The following MYO15A variants were observed in gnomAD, a reference collection of about 807,000 sequenced individuals.
MYO15A encodes the protein unconventional myosin-XV.
Under a neutral mutation model 394.6 loss-of-function variants are expected in MYO15A, and 308 were observed. The ratio of observed to expected loss-of-function variants is 0.78; its 90% confidence interval spans 0.71 to 0.86. The LOEUF (loss-of-function observed/expected upper bound fraction) is 0.86. MYO15A is among the 40% of genes least tolerant of loss of function. MYO15A has a pLI of 0.00. For synonymous variants in MYO15A, 1,957 were observed against 2,003.8 expected (o/e 0.98, Z 0.62); for missense variants, 4,606 against 4,799.1 (o/e 0.96, Z 1.19).
rs374957026 is a variant in MYO15A at position 18,140,793 on chromosome 17, C to T, written c.5367C>T (p.Asn1789=). Residue 1789 remains asparagine, a synonymous_variant, in exon 21 of 66, where the codon AAC becomes AAT. Transcript: ENST00000647165. The stretch of plus-strand genomic sequence containing the variant: ...CTCTTCCTGCCACTGCCAGGTGCAA[C>T]CCCTTGTTCATGCGTTGCCTGAAGC... ...LDLVEKMERC[N]PLFMRCLKPN... 7 of 1,614,090 alleles carry T rather than the reference C, an allele frequency of 4.3e-6. No individual in the cohort carries two copies. The highest frequency in any genetic ancestry group is 5.9e-6 in the Non-Finnish European group (7 of 1,180,056).
In MYO15A at chr17:18,132,344, A is replaced by G. The variant is rs2046182520; in HGVS notation, c.4207-109A>G. ...CACAGAGGCGCGTGTTCTCATCTGC[A>G]GCCCACTGTGTGCATGTGCACTTGT... On this transcript the variant is annotated intron_variant, in intron 10 of 65. Transcript: ENST00000647165. The surrounding 1 kb of genome is among the most constrained non-coding windows in gnomAD (Gnocchi z 4.6). 4.7e-6 allele frequency: 4 copies of G among 846,796 alleles called. No homozygotes were observed. The highest frequency in any genetic ancestry group is 7.9e-6 in the Non-Finnish European group (4 of 505,152). The allele number at this position is 846,796 out of a possible 1,614,324, so 52.5% of individuals were successfully genotyped here.
At chr17:18,138,749 C>G (rs913321358) in intron 17 of MYO15A, 62 bp from the exon 18 acceptor site, 1 of 1,599,966 alleles carries the variant, frequency 6.3e-7, no homozygotes, top group South Asian at 1.1e-5. Flanking sequence ...GAGGTTGCCA[C>G]CAGGCCAGGA....
chr17:18,119,826 C>T lies in MYO15A; in HGVS notation c.1026C>T (p.Tyr342=), dbSNP rs368278295. ...YEGEAHPYGY[Y]LDPYAPYDAP... ...GCGAGGCGCACCCTTATGGCTACTACCTGGATCCCTATGCGCCGTACGACG... is the reference window on the plus strand; with the variant it reads ...GCGAGGCGCACCCTTATGGCTACTATCTGGATCCCTATGCGCCGTACGACG... The change falls in exon 2 of 66, where the codon TAC becomes TAT. Residue 342 remains tyrosine (Y), a synonymous_variant. Coordinates refer to ENST00000647165, the MANE Select transcript of MYO15A (RefSeq NM_016239.4). 26 of 1,613,052 alleles carry T rather than the reference C, an allele frequency of 1.6e-5. No individual in the cohort carries two copies. In the Middle Eastern group the frequency reaches 4.9e-4, roughly 31 times the overall value.
At chr17:18,163,207 C>A in intron 58 of MYO15A, 37 bp from the exon 59 acceptor site, 1 of 1,603,170 alleles carries the variant, frequency 6.2e-7, no homozygotes, top group Non-Finnish European at 8.5e-7. Context: ...GATCCTAGGA[C>A]CCAACCTGTC....
At chr17:18,156,079 T>C in intron 47 of MYO15A, 116 bp from the exon 48 acceptor site, 1 of 1,532,626 alleles carries the variant, frequency 6.5e-7, no homozygotes, top group South Asian at 1.2e-5. Context: ...GCTGGCACAA[T>C]GGGGCCAAGG....
chr17:18,148,277 T>C lies in MYO15A; in HGVS notation c.6691+67T>C. 6.3e-7 allele frequency: 1 copy of C among 1,592,378 alleles called. No individual in the cohort carries two copies. Among genetic ancestry groups the C allele is most frequent in the Non-Finnish European group, 8.6e-7 (1 of 1,169,136 alleles). ...AGCAGGGCCCAGTGAGCCCCGGGGATGGCAGAAGCCACTGGATGTTCTGGA... is the reference window on the plus strand; with the variant it reads ...AGCAGGGCCCAGTGAGCCCCGGGGACGGCAGAAGCCACTGGATGTTCTGGA... On this transcript the variant is annotated intron_variant, in intron 31 of 65. Coordinates refer to ENST00000647165, the MANE Select transcript of MYO15A (RefSeq NM_016239.4). This position sits in a 1 kb window ranked among gnomAD's most constrained non-coding sequence, Gnocchi z 4.8.
At chr17:18,156,099 G>C (rs1567656681) in intron 47 of MYO15A, 96 bp from the exon 48 acceptor site, 1 of 1,592,438 alleles carries the variant, frequency 6.3e-7, no homozygotes, top group Non-Finnish European at 8.6e-7. Context: ...GTGGGGCTGG[G>C]CTTCAAATGG....
chr17:18,170,135 T>C (rs1382905505), intron 62 of MYO15A, among the ~76,000 whole-genome samples: 1 of 152,074 alleles, frequency 6.6e-6, no homozygotes. Flanking sequence ...TTATACAGCC[T>C]CTGGAAGACT....
At chr17:18,166,625 C>T in intron 61 of MYO15A, 104 bp downstream of exon 61, 4 of 1,472,066 alleles carry the variant, frequency 2.7e-6, no homozygotes, top group Non-Finnish European at 3.7e-6. Context: ...ATGATTCAGG[C>T]CCTGTGGATG....
At position 18,121,505 on chromosome 17, in the gene MYO15A, C is replaced by T. The variant is rs568115513; in HGVS notation, c.2705C>T (p.Ala902Val). ...HRPPRAGAWRAPLEHRESPRE... is the reference protein window; with the variant it reads ...HRPPRAGAWRVPLEHRESPRE... ...CCGCCCAGGGCCGGGGCCTGGCGGG[C>T]GCCCCTGGAACACCGGGAGAGCCCG... is the stretch of plus-strand genomic sequence containing the variant. The change falls in exon 2 of 66, where the codon GCG becomes GTG. Residue 902 changes from alanine to valine, a missense_variant. Ala to Val is a moderately conservative substitution (Grantham distance 64). Coordinates refer to ENST00000647165, the MANE Select transcript of MYO15A (RefSeq NM_016239.4). The surrounding 1 kb of genome is among the most constrained non-coding windows in gnomAD (Gnocchi z 5.3). 107 of 1,553,634 alleles carry T rather than the reference C, an allele frequency of 6.9e-5. No homozygotes were observed. The African/African-American group carries it at 9.8e-4, about 14-fold the overall frequency.
intron 30 of MYO15A, 54 bp downstream of exon 30, chr17:18,146,161 G>A: frequency 6.4e-7 from 1 of 1,565,380 alleles, no homozygotes. Context: ...ACCAGCAGTG[G>A]AGCCCAAGGC....
At chr17:18,146,892 C>T (rs1027073504) in intron 30 of MYO15A, among the ~76,000 whole-genome samples, 1 of 152,182 alleles carries the variant, frequency 6.6e-6, no homozygotes, top group Non-Finnish European at 1.5e-5. Context: ...GCCACTTACA[C>T]TTCAGCCTGG....
chr17:18,145,987 A>G lies in MYO15A; in HGVS notation c.6389A>G (p.Gln2130Arg). Residue 2130 changes from glutamine (Q) to arginine (R), a missense_variant, in exon 30 of 66, where the codon CAG becomes CGG. Physicochemically the swap from Gln to Arg is conservative, Grantham distance 43 (BLOSUM62 1). Coordinates refer to ENST00000647165, the MANE Select transcript of MYO15A (RefSeq NM_016239.4). ...GAGCTGCGGGATGAGATCCTGGCACAGCTGGCCAATCAGGTGTGGCACAAT... is the reference window on the plus strand; with the variant it reads ...GAGCTGCGGGATGAGATCCTGGCACGGCTGGCCAATCAGGTGTGGCACAAT... ...VPELRDEILAQLANQVWHNHN... is the reference protein window; with the variant it reads ...VPELRDEILARLANQVWHNHN... 6.2e-7 allele frequency: 1 copy of G among 1,613,870 alleles called. No individual in the cohort carries two copies. The highest frequency in any genetic ancestry group is 8.5e-7 in the Non-Finnish European group (1 of 1,180,010).
At chr17:18,142,646 T>G in intron 24 of MYO15A, 110 bp from the exon 25 acceptor site, 39 of 910,450 alleles carry the variant, frequency 4.3e-5, no homozygotes, top group Non-Finnish European at 6.8e-5. Context: ...ACCCCAAAAG[T>G]GAGATGTGGG....
intron 8 of MYO15A, among the ~76,000 whole-genome samples, 192 bp from the exon 9 acceptor site, chr17:18,131,047 A>G (rs914158022): frequency 2.6e-5 from 4 of 151,770 alleles, no homozygotes; most frequent in African/African-American, 9.7e-5. Flanking sequence ...GGAGTTGGGC[A>G]GCATGGGGTG....
intron 57 of MYO15A, among the ~76,000 whole-genome samples, chr17:18,161,905 C>T (rs2046782505): frequency 6.6e-6 from 1 of 152,060 alleles, no homozygotes; most frequent in South Asian, 2.1e-4. Context: ...AAGGGGGGGC[C>T]ACTCTTCAGC....
At position 18,148,771 on chromosome 17, in the gene MYO15A, G is replaced by A; in HGVS notation, c.6775G>A (p.Asp2259Asn). ...GDILRHRGLA[D>N]GWRGWTVAMK... is the part of the protein sequence containing the mutation. ...GCATGCCATCACCAGGGGGCTGGCA[G>A]ATGGCTGGCGCGGCTGGACCGTGGC... Residue 2259 changes from aspartate (D) to asparagine (N), a missense_variant, in exon 33 of 66, where the codon GAT (aspartate) becomes AAT (asparagine). Transcript: ENST00000647165. The surrounding 1 kb of genome is among the most constrained non-coding windows in gnomAD (Gnocchi z 4.8). 6.3e-7 allele frequency: 1 copy of A among 1,599,606 alleles called. No homozygotes were observed. Among genetic ancestry groups the A allele is most frequent in the Non-Finnish European group, 8.5e-7 (1 of 1,172,554 alleles).
intron 65 of MYO15A, chr17:18,178,282 A>C: frequency 3.9e-6 from 1 of 256,820 alleles, no homozygotes; most frequent in Non-Finnish European, 7.8e-6. Flanking sequence ...AGGCAGGAGA[A>C]TCGCTTAAAC....
At position 18,120,216 on chromosome 17, in the gene MYO15A, C is replaced by T; in HGVS notation, c.1416C>T (p.Ser472=). The T allele has an allele frequency of 6.2e-7, 1 of 1,612,830 alleles. No homozygotes were observed. Among genetic ancestry groups the T allele is most frequent in the East Asian group, 2.2e-5 (1 of 44,876 alleles). ...ATAAGCCCGCCAGGTCCAAGCTGTC[C>T]CTCATCCGCAAGTTCCGCCTCTTCC... is the stretch of plus-strand genomic sequence containing the variant. The part of the protein sequence containing the change: ...GMDKPARSKL[S]LIRKFRLFPR... The change falls in exon 2 of 66, where the codon TCC becomes TCT. Residue 472 remains serine (S), a synonymous_variant. Coordinates refer to ENST00000647165, the MANE Select transcript of MYO15A (RefSeq NM_016239.4).
Sources: gnomAD v4.1 joint callset for allele counts (sites outside exome capture counted in the v4.1 genomes callset) on GRCh38, gnomAD v4.1.1 for gene constraint, Gnocchi (gnomAD v3.1) non-coding constraint, MANE v1.5 for transcripts, NCBI Gene and HGNC (gene_info 2026-07-23, HGNC 2026-07-21) for gene names.